ITGA1: variants seen among roughly 807,000 people sequenced by gnomAD.
The protein encoded by ITGA1 is integrin subunit alpha 1.
ITGA1 carries 85 observed loss-of-function variants against 145.9 expected under a neutral mutation model. The observed-to-expected ratio is 0.58, with a 90% CI of 0.49 to 0.70. The LOEUF (loss-of-function observed/expected upper bound fraction) is 0.70. ITGA1 is among the 30% of genes least tolerant of loss of function. ITGA1 has a pLI of 0.00. For synonymous variants in ITGA1, 520 were observed against 495.3 expected (o/e 1.05, Z -0.66); for missense variants, 1,351 against 1,418.7 (o/e 0.95, Z 0.77).
At chr5:52,863,744 G>C (rs1320401999) in intron 3 of ITGA1, among the ~76,000 whole-genome samples, 1 of 152,174 alleles carries the variant, frequency 6.6e-6, no homozygotes, top group Non-Finnish European at 1.5e-5. Context: ...GCCACATCAA[G>C]TACAGTAGGG....
chr5:52,916,345 CTATT>C (rs34602826), intron 15 of ITGA1, among the ~76,000 whole-genome samples: 4,608 of 151,926 alleles, frequency 0.03, 265 homozygotes, highest in African/African-American at 0.11. Context: ...TAAATAAAAT[CTATT>C]TATGCCAGGT....
At chr5:52,870,944 C>T (rs780650165) in intron 6 of ITGA1, among the ~76,000 whole-genome samples, 10 of 152,218 alleles carry the variant, frequency 6.6e-5, no homozygotes, top group African/African-American at 2.4e-4. Context: ...GGACCTGATT[C>T]ATCTTAGGAT....
intron 26 of ITGA1, among the ~76,000 whole-genome samples, chr5:52,944,499 C>A (rs1259450732): frequency 6.6e-6 from 1 of 152,154 alleles, no homozygotes. Flanking sequence ...ATATTATTTA[C>A]TTGATAATTT....
chr5:52,921,036 C>T (rs1473078571), intron 17 of ITGA1, among the ~76,000 whole-genome samples: 1 of 151,136 alleles, frequency 6.6e-6, no homozygotes, highest in African/African-American at 2.4e-5. Context: ...GGAAATCAAA[C>T]TATTAATGTT....
chr5:52,823,912 G>T (rs1049814244), intron 1 of ITGA1, among the ~76,000 whole-genome samples: 4 of 152,108 alleles, frequency 2.6e-5, no homozygotes, highest in Admixed American at 1.3e-4. Flanking sequence ...TATTATCAAC[G>T]TTTGCCAATT....
At chr5:52,858,175 A>T (rs2111766075) in intron 2 of ITGA1, among the ~76,000 whole-genome samples, 1 of 152,294 alleles carries the variant, frequency 6.6e-6, no homozygotes, top group South Asian at 2.1e-4. Context: ...AAGCTTTGTA[A>T]ATCAAAAAGG....
rs185388010 is a variant in ITGA1 at position 52,850,280 on chromosome 5, G to T, written c.182+795G>T. On this transcript the variant is annotated intron_variant, in intron 2 of 28. Transcript: ENST00000282588. ...CTCCGAAAGTGCTGGGATTACAGGC[G>T]TGAGCCATAGCACCTGGCCGTAGAT... 3.1e-3 allele frequency among the ~76,000 whole-genome samples: 465 copies of T among 152,184 alleles called. 2 individuals are homozygous for T. Among genetic ancestry groups the T allele is most frequent in the Middle Eastern group, 0.014 (4 of 294 alleles).
chr5:52,871,547 G>A (rs968610099), intron 6 of ITGA1, among the ~76,000 whole-genome samples: 13 of 151,574 alleles, frequency 8.6e-5, no homozygotes, highest in Admixed American at 6.6e-5. Context: ...GTAATTGCAA[G>A]CAATAAAAGG....
intron 6 of ITGA1, among the ~76,000 whole-genome samples, chr5:52,875,434 CA>C (rs1749852812): frequency 6.6e-6 from 1 of 152,120 alleles, no homozygotes; most frequent in African/African-American, 2.4e-5. Flanking sequence ...TGATGTATGC[CA>C]TAGCCTGAAT....
chr5:52,846,534 C>T (rs1749341179), intron 1 of ITGA1, among the ~76,000 whole-genome samples: 1 of 152,234 alleles, frequency 6.6e-6, no homozygotes, highest in Admixed American at 6.5e-5. Context: ...ACCGAAACAT[C>T]ATTATGCAGT....
At chr5:52,893,654 G>T in intron 8 of ITGA1, 21 bp from the exon 9 acceptor site, 1 of 1,596,404 alleles carries the variant, frequency 6.3e-7, no homozygotes. Context: ...ATATATTCTT[G>T]CTGTTTCTGT....
At chr5:52,802,579 A>G (rs1748511311) in intron 1 of ITGA1, 1 of 152,190 alleles carries the variant, frequency 6.6e-6, no homozygotes, top group African/African-American at 2.4e-5. Context: ...TATTTTTAAA[A>G]TGAGATTAAA....
At chr5:52,918,170 C>G (rs1750677211) in intron 15 of ITGA1, among the ~76,000 whole-genome samples, 1 of 152,128 alleles carries the variant, frequency 6.6e-6, no homozygotes, top group South Asian at 2.1e-4. Context: ...AAATATTTAA[C>G]TTTTCAGAGC....
At position 52,947,349 on chromosome 5, in the gene ITGA1, C is replaced by A; in HGVS notation, c.3383C>A (p.Ala1128Asp). 1 of 1,592,192 alleles carries A rather than the reference C, an allele frequency of 6.3e-7. No homozygotes were observed. The highest frequency in any genetic ancestry group is 8.6e-7 in the Non-Finnish European group (1 of 1,160,494). ...LSSSNQKRELAIQISKDGLPG... is the reference protein window; with the variant it reads ...LSSSNQKRELDIQISKDGLPG... ...ATCTTGTTTAATAATTTTCAGCTTG[C>A]TATTCAAATATCCAAAGATGGGCTA... Residue 1128 changes from alanine (A) to aspartate (D), a missense_variant, in exon 28 of 29, where the codon GCT (alanine) becomes GAT (aspartate). Coordinates refer to ENST00000282588, the MANE Select transcript of ITGA1 (RefSeq NM_181501.2).
chr5:52,894,802 A>G (rs1750201392), intron 9 of ITGA1, among the ~76,000 whole-genome samples: 1 of 152,210 alleles, frequency 6.6e-6, no homozygotes, highest in Admixed American at 6.5e-5. Context: ...ACAGAAAGAC[A>G]AAATGGGAAT....
At chr5:52,894,861 C>A (rs968758882) in intron 9 of ITGA1, among the ~76,000 whole-genome samples, 9 of 152,062 alleles carry the variant, frequency 5.9e-5, no homozygotes, top group Non-Finnish European at 4.4e-5. Context: ...CGTCAAGGGG[C>A]TGGGAAAATG....
At chr5:52,794,771 A>G (rs1268597559) in intron 1 of ITGA1, among the ~76,000 whole-genome samples, 1 of 151,946 alleles carries the variant, frequency 6.6e-6, no homozygotes, top group Non-Finnish European at 1.5e-5. Flanking sequence ...GTCACATGGG[A>G]ACCTTTGCAC....
At chr5:52,854,192 C>T (rs138267939) in intron 2 of ITGA1, among the ~76,000 whole-genome samples, 11 of 152,244 alleles carry the variant, frequency 7.2e-5, no homozygotes, top group African/African-American at 2.6e-4. Context: ...GAGGATCCTG[C>T]TTTATGCCAG....
At chr5:52,920,171 G>T (rs1221148972) in intron 16 of ITGA1, among the ~76,000 whole-genome samples, 161 bp from the exon 17 acceptor site, 1 of 152,126 alleles carries the variant, frequency 6.6e-6, no homozygotes, top group African/African-American at 2.4e-5. Flanking sequence ...CTTCATGACT[G>T]CTAATATCAT....
Sources: allele counts gnomAD v4.1 joint callset (sites outside exome capture counted in the v4.1 genomes callset), GRCh38; gene constraint gnomAD v4.1.1; transcripts MANE v1.5; gene names NCBI Gene and HGNC (gene_info 2026-07-23, HGNC 2026-07-21).